GALNS: variants seen among roughly 807,000 people sequenced by gnomAD.
GALNS encodes galactosamine (N-acetyl)-6-sulfatase.
Under a neutral mutation model 65.9 loss-of-function variants are expected in GALNS, and 65 were observed. The observed-to-expected ratio is 0.99, with a 90% CI of 0.81 to 1.21. The LOEUF (loss-of-function observed/expected upper bound fraction) is 1.21. Among genes scored for constraint, GALNS ranks in the 50% most tolerant of loss-of-function variants. The pLI, the probability that GALNS is intolerant of heterozygous loss-of-function variation, is 0.00. For synonymous variants in GALNS, 346 were observed against 288.9 expected (o/e 1.20, Z -2.00); for missense variants, 776 against 700.7 (o/e 1.11, Z -1.21).
chr16:88,841,881 G>A lies in GALNS; in HGVS notation c.319+16C>T, dbSNP rs994680912. The A allele has an allele frequency of 1.2e-6, 2 of 1,609,146 alleles. No individual in the cohort carries two copies. Among genetic ancestry groups the A allele is most frequent in the Admixed American group, 1.7e-5 (1 of 59,470 alleles). ...CTGCACCCCAAGGGTGTCCCTGGAG[G>A]CGGTGGGCAGCCTACCGTTTCTGGC... is the stretch of plus-strand genomic sequence containing the variant. On this transcript the variant is annotated intron_variant, in intron 3 of 13. Coordinates refer to ENST00000268695, the MANE Select transcript of GALNS (RefSeq NM_000512.5).
chr16:88,840,876 C>G (rs1025859749), intron 4 of GALNS, 116 bp downstream of exon 4: 56 of 827,946 alleles, frequency 6.8e-5, no homozygotes, highest in Admixed American at 1.8e-4. Flanking sequence ...GAATCAGCTG[C>G]CGTTTCCCAC....
chr16:88,835,219 C>T lies in GALNS; in HGVS notation c.892G>A (p.Glu298Lys), dbSNP rs767319971. 104 of 1,584,002 alleles carry T rather than the reference C, an allele frequency of 6.6e-5. No homozygotes were observed. The highest frequency in any genetic ancestry group is 4.0e-4 in the South Asian group (35 of 87,356). Residue 298 changes from glutamate to lysine, a missense_variant, in exon 8 of 14, where the codon GAA (glutamate) becomes AAA (lysine). Physicochemically the swap from Glu to Lys is moderately conservative, Grantham distance 56. Coordinates refer to ENST00000268695, the MANE Select transcript of GALNS (RefSeq NM_000512.5). ...AGTGACAGCGAGCACTCACCTTGTT[C>T]GGGGGCGGAAATGAGGGCAGCGCCG... ...DNGAALISAP[E>K]QGGSNGPFLC...
chr16:88,814,398 C>A lies in GALNS; in HGVS notation c.*41G>T, dbSNP rs538129591. 2 of 1,549,874 alleles carry A rather than the reference C, an allele frequency of 1.3e-6. No individual in the cohort carries two copies. Among genetic ancestry groups the A allele is most frequent in the Non-Finnish European group, 8.7e-7 (1 of 1,147,098 alleles). On this transcript the variant is annotated 3_prime_UTR_variant, in exon 14 of 14. Transcript: ENST00000268695. ...ATCCTTCCTCCAGGCACTTGCAGGG[C>A]CAACCGGAGATTCTAGGCCTGGCCT...
intron 4 of GALNS, among the ~76,000 whole-genome samples, chr16:88,839,432 G>A (rs544112132): frequency 4.6e-5 from 7 of 152,398 alleles, no homozygotes; most frequent in African/African-American, 7.2e-5. Flanking sequence ...GAAAGCAGCA[G>A]TGGGGCCTGG....
At chr16:88,847,775 C>T (rs1401077311) in intron 1 of GALNS, among the ~76,000 whole-genome samples, 2 of 152,254 alleles carry the variant, frequency 1.3e-5, no homozygotes, top group Non-Finnish European at 2.9e-5. Context: ...GAACGTGACA[C>T]GCAGCACCTG....
At chr16:88,817,451 CTG>C in intron 13 of GALNS, 1 of 985,446 alleles carries the variant, frequency 1.0e-6, no homozygotes, top group Non-Finnish European at 1.2e-6. Context: ...GCGAAGGTCT[CTG>C]GGGCTGGCCC....
intron 8 of GALNS, among the ~76,000 whole-genome samples, chr16:88,832,949 C>G (rs1244488792): frequency 6.6e-6 from 1 of 151,772 alleles, no homozygotes; most frequent in Non-Finnish European, 1.5e-5. Context: ...TGTGGCGGCA[C>G]GTCCTGTAGT....
chr16:88,815,027 T>C, intron 13 of GALNS: 2 of 985,280 alleles, frequency 2.0e-6, no homozygotes, highest in South Asian at 9.4e-5. Context: ...GCCACCGCGC[T>C]TGGCCTCGAG....
intron 11 of GALNS, among the ~76,000 whole-genome samples, chr16:88,823,493 C>T (rs1910469363): frequency 6.7e-6 from 1 of 148,376 alleles, no homozygotes; most frequent in South Asian, 2.1e-4. Flanking sequence ...GGCGGCAATG[C>T]CGGGGACCGA....
chr16:88,853,474 G>C (rs1024948095), intron 1 of GALNS, among the ~76,000 whole-genome samples: 1 of 152,158 alleles, frequency 6.6e-6, no homozygotes, highest in Admixed American at 6.5e-5. Flanking sequence ...CCGGACTCTG[G>C]TGGCTCGACG....
Position 88,832,068 on chromosome 16 carries a change from T to A in GALNS, c.932A>T (p.Gln311Leu). The A allele has an allele frequency of 6.2e-7, 1 of 1,613,924 alleles. No homozygotes were observed. Among genetic ancestry groups the A allele is most frequent in the South Asian group, 1.1e-5 (1 of 91,088 alleles). Residue 311 changes from glutamine (Q) to leucine (L), a missense_variant, in exon 9 of 14, where the codon CAG (glutamine) becomes CTG (leucine). By Grantham distance (113) the Gln-to-Leu change is moderately radical. Coordinates refer to ENST00000268695, the MANE Select transcript of GALNS (RefSeq NM_000512.5). ...CCTCATCCCTCCTTCAAACGTGGTC[T>A]GCTTCCCACACAGAAAGGGGCCGTT... Reference protein sequence around the residue: ...GSNGPFLCGKQTTFEGGMREP... With the variant: ...GSNGPFLCGKLTTFEGGMREP...
In GALNS at chr16:88,841,835, C is replaced by T. The variant is rs147810295; in HGVS notation, c.319+62G>A. On this transcript the variant is annotated intron_variant, in intron 3 of 13. Coordinates refer to ENST00000268695, the MANE Select transcript of GALNS (RefSeq NM_000512.5). ...CGAGTCCCGGAGACACGGGCACCAC[C>T]CGTAGCCCACCTGCCCAACCCTGCA... is the stretch of plus-strand genomic sequence containing the variant. 7.0e-3 allele frequency: 10,200 copies of T among 1,461,642 alleles called. 49 individuals carry two copies. Among genetic ancestry groups the T allele is most frequent in the Middle Eastern group, 0.012 (67 of 5,664 alleles). 90.5% of individuals were successfully genotyped at this position (1,461,642 alleles called of 1,614,324 possible).
At chr16:88,840,460 T>C (rs1966911824) in intron 4 of GALNS, 1 of 190,488 alleles carries the variant, frequency 5.2e-6, no homozygotes, top group African/African-American at 2.4e-5. Context: ...AAATGAAACA[T>C]CCTGTGCGCC....
chr16:88,817,254 CG>C (rs1909727330), intron 13 of GALNS: 2 of 984,924 alleles, frequency 2.0e-6, no homozygotes, highest in African/African-American at 1.7e-5. Flanking sequence ...GACAAGACGA[CG>C]ACGCATCCTT....
At chr16:88,836,330 G>C (rs1912137995) in intron 5 of GALNS, 63 bp from the exon 6 acceptor site, 1 of 1,313,870 alleles carries the variant, frequency 7.6e-7, no homozygotes, top group Non-Finnish European at 1.1e-6. Context: ...CGTTCTCCCT[G>C]ATTTCACCAG....
chr16:88,856,163 G>C (rs1030392806), intron 1 of GALNS: 1 of 702,808 alleles, frequency 1.4e-6, no homozygotes, highest in Non-Finnish European at 2.6e-6. Context: ...CCCACCAGGA[G>C]ACATTCCAGC....
chr16:88,832,537 C>G (rs1251445213), intron 8 of GALNS, among the ~76,000 whole-genome samples: 2 of 152,162 alleles, frequency 1.3e-5, no homozygotes, highest in Admixed American at 6.5e-5. Flanking sequence ...GCGTAGGAAT[C>G]TGTGTTTCTG....
chr16:88,833,692 C>T (rs1911762806), intron 8 of GALNS, among the ~76,000 whole-genome samples: 1 of 152,126 alleles, frequency 6.6e-6, no homozygotes, highest in South Asian at 2.1e-4. Flanking sequence ...CCTCGTGATC[C>T]ACCCGCCTCA....
chr16:88,855,688 AT>A, intron 1 of GALNS: 1 of 593,936 alleles, frequency 1.7e-6, no homozygotes, highest in East Asian at 2.8e-5. Context: ...ATTTTACATT[AT>A]TTTTCTTTCA....
Sources: allele counts gnomAD v4.1 joint callset (sites outside exome capture counted in the v4.1 genomes callset), GRCh38; gene constraint gnomAD v4.1.1; transcripts MANE v1.5; gene names NCBI Gene and HGNC (gene_info 2026-07-23, HGNC 2026-07-21).